The following C4orf50 variants were observed in gnomAD, a reference collection of about 807,000 sequenced individuals.
The protein encoded by C4orf50 is chromosome 4 open reading frame 50, also known as uncharacterized protein C4orf50.
In C4orf50, 80 loss-of-function variants were observed where a neutral mutation model predicts 77.2. That is an observed-to-expected ratio of 1.04 (90% CI 0.87 to 1.25). C4orf50 has a LOEUF of 1.25. Among genes scored for constraint, C4orf50 ranks in the 50% most tolerant of loss-of-function variants. The probability of loss-of-function intolerance (pLI) is 0.00; values close to 1 mark genes in which losing one functional copy is unlikely to be tolerated. For missense variants in C4orf50, 1,257 were observed against 1,152.9 expected (o/e 1.09, Z -1.31); for synonymous variants, 532 against 465.3 (o/e 1.14, Z -1.84).
chr4:5,983,214 G>T (rs1436377452), intron 28 of C4orf50, among the ~76,000 whole-genome samples: 2 of 152,170 alleles, frequency 1.3e-5, no homozygotes, highest in Admixed American at 6.5e-5. Flanking sequence ...AGAGCAGACA[G>T]ATCTTTTCAC....
chr4:5,904,570 C>T (rs1716469543), intron 7 of C4orf50: 2 of 152,204 alleles, frequency 1.3e-5, no homozygotes, highest in Non-Finnish European at 2.9e-5. Flanking sequence ...GGATAGAGGC[C>T]AAGGGACAGC....
At chr4:6,004,183 T>C (rs1722063389) in intron 25 of C4orf50, among the ~76,000 whole-genome samples, 1 of 144,732 alleles carries the variant, frequency 6.9e-6, no homozygotes, top group Admixed American at 7.0e-5. Context: ...GTGATGATGG[T>C]GATGGTGATG....
At chr4:5,941,749 G>T (rs183696017) in intron 7 of C4orf50, among the ~76,000 whole-genome samples, 2 of 152,200 alleles carry the variant, frequency 1.3e-5, no homozygotes, top group East Asian at 3.9e-4. Flanking sequence ...GTACGGAGGA[G>T]GCTGAGGGGA....
At chr4:5,996,448 C>A (rs566595861) in intron 25 of C4orf50, among the ~76,000 whole-genome samples, 1 of 151,564 alleles carries the variant, frequency 6.6e-6, no homozygotes, top group Non-Finnish European at 1.5e-5. Flanking sequence ...CCCACCTCCA[C>A]CCCGCTACCA....
intron 31 of C4orf50, among the ~76,000 whole-genome samples, chr4:5,972,190 A>G (rs888025257): frequency 2.6e-5 from 4 of 152,130 alleles, no homozygotes; most frequent in African/African-American, 9.6e-5. Flanking sequence ...TTTTTAGTAG[A>G]GACGGGGTTT....
Position 6,009,571 on chromosome 4 carries a change from G to A in C4orf50, c.427-1039C>T, listed in dbSNP as rs192636682. 1.7e-3 allele frequency among the ~76,000 whole-genome samples: 262 copies of A among 152,290 alleles called. 2 individuals are homozygous for A. Among genetic ancestry groups the A allele is most frequent in the Admixed American group, 4.1e-3 (63 of 15,304 alleles). ...CTGTAATGATCTTTGCATGGTGCCC[G>A]GTGGAGGGATTTCAGAGCCTAGATG... On this transcript the variant is annotated intron_variant, in intron 24 of 33. Transcript: ENST00000531445. The surrounding 1 kb of genome is among the most constrained non-coding windows in gnomAD (Gnocchi z 5.6).
chr4:5,973,525 G>T (rs1393398137), intron 31 of C4orf50, 134 bp downstream of exon 9: 1 of 748,104 alleles, frequency 1.3e-6, no homozygotes, highest in East Asian at 2.5e-5. Context: ...AAAGCCAGGG[G>T]GTGTCTTCTT....
chr4:5,970,247 G>A lies in C4orf50; in HGVS notation c.4105-2785C>T, dbSNP rs575170102. ...GCCCTGAGCCCTGCTCACTCAAGGC[G>A]TCCAGGGGACAAGGCGGAATTAAGA... On this transcript the variant is annotated intron_variant, in intron 31 of 33. Coordinates refer to ENST00000531445, the Ensembl canonical transcript of C4orf50. The surrounding 1 kb of genome is among the most constrained non-coding windows in gnomAD (Gnocchi z 4.3). 4.6e-5 allele frequency among the ~76,000 whole-genome samples: 7 copies of A among 152,142 alleles called. No individual in the cohort carries two copies. The highest frequency in any genetic ancestry group is 2.1e-4 in the South Asian group (1 of 4,812).
At chr4:5,988,997 G>A in exon 28 of C4orf50, 1 of 1,535,958 alleles carries the variant, frequency 6.5e-7, no homozygotes, top group Non-Finnish European at 8.7e-7. Context: ...TCCTCTTCAA[G>A]CTCCAAAATT....
chr4:5,962,901 G>T (rs1719349414), intron 33 of C4orf50, among the ~76,000 whole-genome samples: 1 of 151,968 alleles, frequency 6.6e-6, no homozygotes. Context: ...CTCCAGCGAT[G>T]TTGCTTACCA....
intron 7 of C4orf50, among the ~76,000 whole-genome samples, chr4:5,934,655 G>A (rs79636536): frequency 0.033 from 4,968 of 152,332 alleles, 211 homozygotes; most frequent in African/African-American, 0.099. Flanking sequence ...GCCATAGCCA[G>A]GCTGGAGCAC....
chr4:5,906,045 G>A (rs557218306), intron 7 of C4orf50, among the ~76,000 whole-genome samples: 68 of 152,254 alleles, frequency 4.5e-4, no homozygotes, highest in Non-Finnish European at 7.6e-4. Context: ...CAGTGGAGGC[G>A]CGGACAGCAA....
At chr4:5,973,116 G>T (rs375173348) in intron 31 of C4orf50, among the ~76,000 whole-genome samples, 2 of 152,196 alleles carry the variant, frequency 1.3e-5, no homozygotes, top group South Asian at 2.1e-4. Flanking sequence ...TGGGCCCATC[G>T]GAGATGGGCC....
chr4:6,005,330 C>T (rs914119703), intron 25 of C4orf50, among the ~76,000 whole-genome samples: 2 of 152,174 alleles, frequency 1.3e-5, no homozygotes, highest in Non-Finnish European at 2.9e-5. Context: ...TAGAGTGCAG[C>T]CTTGAGAACT....
chr4:5,951,638 A>C (rs1045705739), intron 7 of C4orf50, among the ~76,000 whole-genome samples: 1 of 152,234 alleles, frequency 6.6e-6, no homozygotes, highest in Non-Finnish European at 1.5e-5. Flanking sequence ...AAATGGTCTA[A>C]GACAGACGGC....
At chr4:5,968,320 T>A (rs888827545) in intron 31 of C4orf50, among the ~76,000 whole-genome samples, 1 of 152,224 alleles carries the variant, frequency 6.6e-6, no homozygotes, top group African/African-American at 2.4e-5. Flanking sequence ...CCTTCTCTGC[T>A]GCAGTGACAC....
chr4:5,949,385 C>T (rs1718626453), intron 7 of C4orf50, among the ~76,000 whole-genome samples: 1 of 152,220 alleles, frequency 6.6e-6, no homozygotes, highest in Non-Finnish European at 1.5e-5. Context: ...CCGGCCCACG[C>T]TCCAACACGG....
intron 7 of C4orf50, among the ~76,000 whole-genome samples, chr4:5,947,916 C>T (rs9993643): frequency 0.35 from 52,991 of 152,146 alleles, 9,685 homozygotes; most frequent in African/African-American, 0.4. Flanking sequence ...AGCCTCTGCA[C>T]GAGATCAGAC....
At chr4:5,915,739 G>A (rs975536833) in intron 7 of C4orf50, among the ~76,000 whole-genome samples, 1 of 152,182 alleles carries the variant, frequency 6.6e-6, no homozygotes, top group South Asian at 2.1e-4. Flanking sequence ...TAATAAACAC[G>A]TGCTCGTTTC....
Sources: gnomAD v4.1 joint callset for allele counts (sites outside exome capture counted in the v4.1 genomes callset) on GRCh38, gnomAD v4.1.1 for gene constraint, Gnocchi (gnomAD v3.1) non-coding constraint, MANE v1.5 for transcripts, NCBI Gene and HGNC (gene_info 2026-07-23, HGNC 2026-07-21) for gene names.